The following PAK1 variants were observed in gnomAD, a reference collection of about 807,000 sequenced individuals.
The protein encoded by PAK1 is p21 (RAC1) activated kinase 1.
Under a neutral mutation model 67.4 loss-of-function variants are expected in PAK1, and 29 were observed. That is an observed-to-expected ratio of 0.43 (90% confidence interval 0.32 to 0.59). The LOEUF (loss-of-function observed/expected upper bound fraction) is 0.59. Ranked by LOEUF, PAK1 falls within the 20% of genes least tolerant of loss-of-function variation. The probability of loss-of-function intolerance (pLI) is 0.07; values close to 1 mark genes in which losing one functional copy is unlikely to be tolerated. For missense variants in PAK1, 337 were observed against 670.7 expected, an observed-to-expected ratio of 0.50 and a Z score of 5.50; for synonymous variants, 223 against 237.4, an observed-to-expected ratio of 0.94 and a Z score of 0.56.
At chr11:77,361,216 C>T (rs75069762) in intron 5 of PAK1, among the ~76,000 whole-genome samples, 6,118 of 152,250 alleles carry the variant, frequency 0.04, 401 homozygotes, top group African/African-American at 0.14. Flanking sequence ...ATTTTAGATA[C>T]GATAGGCACA....
At chr11:77,400,513 A>C (rs1469836761) in intron 1 of PAK1, among the ~76,000 whole-genome samples, 1 of 152,168 alleles carries the variant, frequency 6.6e-6, no homozygotes, top group Non-Finnish European at 1.5e-5. Flanking sequence ...TGCACTGAGG[A>C]CTCAGTGATG....
At chr11:77,345,382 A>G (rs1944273093) in intron 9 of PAK1, among the ~76,000 whole-genome samples, 1 of 152,160 alleles carries the variant, frequency 6.6e-6, no homozygotes, top group African/African-American at 2.4e-5. Flanking sequence ...ATAGAAGTAT[A>G]CTTTAAATTA....
At chr11:77,527,199 C>T in the PAK1 span, among the ~76,000 whole-genome samples, 1 of 152,008 alleles carries the variant, frequency 6.6e-6, no homozygotes, top group East Asian at 1.9e-4. Flanking sequence ...GCCTCCCAGG[C>T]TCAAGGAATC....
At position 77,322,727 on chromosome 11, in the gene PAK1, G is replaced by A; in HGVS notation, c.*547C>T. On this transcript the variant is annotated 3_prime_UTR_variant, in exon 15 of 15. Transcript: ENST00000356341. ...AAATGTGGTTGTTCTCCCATGTCAG[G>A]ATCAGCTGAGCCAAAGTCATGGTCC... 1 of 280,326 alleles carries A rather than the reference G, an allele frequency of 3.6e-6. No homozygotes were observed. The highest frequency in any genetic ancestry group is 5.5e-5 in the East Asian group (1 of 18,022). The allele number at this position is 280,326 out of a possible 1,614,324, so 17.4% of individuals were successfully genotyped here.
intron 5 of PAK1, among the ~76,000 whole-genome samples, chr11:77,364,689 G>A (rs1187483444): frequency 6.6e-6 from 1 of 152,058 alleles, no homozygotes; most frequent in Non-Finnish European, 1.5e-5. Flanking sequence ...GACCTAGGGG[G>A]AAAAAAGCAA....
chr11:77,340,463 A>T (rs1943428375), intron 11 of PAK1, among the ~76,000 whole-genome samples, 183 bp downstream of exon 11: 1 of 140,736 alleles, frequency 7.1e-6, no homozygotes, highest in South Asian at 2.1e-4. Context: ...AGTTATCGTT[A>T]AAAAAAAAAT....
Position 77,451,927 on chromosome 11 carries a change from G to A in PAK1, c.-22+21625C>T, listed in dbSNP as rs1372167576. Among the ~76,000 whole-genome samples the A allele has an allele frequency of 3.9e-5, 6 of 152,140 alleles. No homozygotes were observed. In the East Asian group the frequency reaches 1.2e-3, roughly 29 times the overall value. ...CTCGTTAATGTCTTTTGCTACAGGA[G>A]CCTCAGCCATGAACATAGCAATGGG... On this transcript the variant is annotated intron_variant, in intron 1 of 14. Transcript: ENST00000356341.
At chr11:77,471,192 A>AGGGATGGGAT (rs753291336) in intron 1 of PAK1, among the ~76,000 whole-genome samples, 2 of 151,958 alleles carry the variant, frequency 1.3e-5, no homozygotes, top group Non-Finnish European at 2.9e-5. Flanking sequence ...TTGGCAAGAG[A>AGGGATGGGAT]GGGATGGGAT....
the PAK1 span, among the ~76,000 whole-genome samples, chr11:77,524,562 T>C: frequency 6.6e-6 from 1 of 152,250 alleles, no homozygotes; most frequent in East Asian, 1.9e-4. Flanking sequence ...TGCCCTCTTC[T>C]GTGTTCTCTG....
At chr11:77,527,631 T>C in the PAK1 span, among the ~76,000 whole-genome samples, 4 of 152,196 alleles carry the variant, frequency 2.6e-5, no homozygotes, top group African/African-American at 7.2e-5. Flanking sequence ...GATCTTTCCA[T>C]TGGTCTGACA....
intron 1 of PAK1, among the ~76,000 whole-genome samples, chr11:77,440,836 C>T (rs1478841725): frequency 4.0e-5 from 6 of 150,990 alleles, no homozygotes; most frequent in Admixed American, 3.9e-4. Flanking sequence ...ATTCCTCCCA[C>T]CTCTATCTGC....
intron 4 of PAK1, among the ~76,000 whole-genome samples, chr11:77,376,221 A>T (rs1949067172): frequency 6.6e-6 from 1 of 152,154 alleles, no homozygotes; most frequent in Non-Finnish European, 1.5e-5. Context: ...ACTCCCTTTA[A>T]AGGTGATGAA....
At chr11:77,470,718 G>A (rs902174024) in intron 1 of PAK1, among the ~76,000 whole-genome samples, 10 of 152,214 alleles carry the variant, frequency 6.6e-5, no homozygotes, top group African/African-American at 2.4e-4. Flanking sequence ...AGGAGACCAG[G>A]AAGAGACAGT....
chr11:77,484,523 T>C, the PAK1 span, among the ~76,000 whole-genome samples: 1 of 152,222 alleles, frequency 6.6e-6, no homozygotes, highest in East Asian at 1.9e-4. Flanking sequence ...TAAGATTTTA[T>C]ATCCAAATTA....
the PAK1 span, among the ~76,000 whole-genome samples, chr11:77,519,280 T>C: frequency 6.6e-6 from 1 of 152,216 alleles, no homozygotes; most frequent in Non-Finnish European, 1.5e-5. Context: ...TTTTTCATGC[T>C]ATTGATTTGT....
the PAK1 span, among the ~76,000 whole-genome samples, chr11:77,506,813 G>A: frequency 6.6e-6 from 1 of 152,194 alleles, no homozygotes; most frequent in East Asian, 1.9e-4. Flanking sequence ...GAATAACAGT[G>A]CATTTCATAG....
intron 1 of PAK1, among the ~76,000 whole-genome samples, chr11:77,464,398 AT>A (rs1829086007): frequency 6.6e-6 from 1 of 152,212 alleles, no homozygotes; most frequent in Non-Finnish European, 1.5e-5. Flanking sequence ...TGTAGGACTT[AT>A]CAAAATCTGC....
At chr11:77,422,854 G>T (rs777304657) in intron 1 of PAK1, among the ~76,000 whole-genome samples, 5 of 152,076 alleles carry the variant, frequency 3.3e-5, no homozygotes, top group Non-Finnish European at 7.3e-5. Flanking sequence ...TCTTTCTGGA[G>T]CTACAGTAGC....
At chr11:77,492,214 A>G in the PAK1 span, among the ~76,000 whole-genome samples, 1 of 152,170 alleles carries the variant, frequency 6.6e-6, no homozygotes, top group East Asian at 1.9e-4. Flanking sequence ...AGGTGCCTGT[A>G]ATCCCAGCTA....
Sources: gnomAD v4.1 joint callset for allele counts (sites outside exome capture counted in the v4.1 genomes callset) on GRCh38, gnomAD v4.1.1 for gene constraint, MANE v1.5 for transcripts, NCBI Gene and HGNC (gene_info 2026-07-23, HGNC 2026-07-21) for gene names.